The following MACROD2 variants were observed in gnomAD, a reference collection of about 807,000 sequenced individuals.
The protein encoded by MACROD2 is mono-ADP ribosylhydrolase 2.
MACROD2 carries 36 observed loss-of-function variants against 70.4 expected under a neutral mutation model. That is an observed-to-expected ratio of 0.51 (90% CI 0.39 to 0.68). MACROD2 has a LOEUF of 0.68. MACROD2 is among the 30% of genes least tolerant of loss of function. The pLI is 0.00. For synonymous variants in MACROD2, 172 were observed against 178.8 expected (o/e 0.96, Z 0.30); for missense variants, 496 against 538.4 (o/e 0.92, Z 0.78).
chr20:14,757,096 T>C (rs981962085), intron 5 of MACROD2, among the ~76,000 whole-genome samples: 2 of 152,186 alleles, frequency 1.3e-5, no homozygotes, highest in African/African-American at 2.4e-5. Context: ...TGGACTAATA[T>C]AATGTTTATT....
At chr20:14,230,541 A>C in intron 3 of MACROD2, among the ~76,000 whole-genome samples, 1 of 149,464 alleles carries the variant, frequency 6.7e-6, no homozygotes, top group African/African-American at 2.5e-5. Flanking sequence ...TTTTTACCAC[A>C]TCTGCAGTGA....
chr20:14,310,324 C>T (rs1463295886), intron 3 of MACROD2, among the ~76,000 whole-genome samples: 1 of 152,082 alleles, frequency 6.6e-6, no homozygotes, highest in Non-Finnish European at 1.5e-5. Flanking sequence ...ATGAACTCCT[C>T]AGGATAAAAG....
chr20:15,050,107 A>G (rs2075427384), intron 5 of MACROD2, among the ~76,000 whole-genome samples: 1 of 152,184 alleles, frequency 6.6e-6, no homozygotes, highest in South Asian at 2.1e-4. Context: ...ACAATATTTT[A>G]GTGTAATTTT....
In MACROD2 at chr20:15,949,252, A is replaced by G. The variant is rs116462318; in HGVS notation, c.907+11708A>G. On this transcript the variant is annotated intron_variant, in intron 12 of 17. Transcript: ENST00000684519. ...TTAAAGTGCTTACAGCAGCTTCTCA[A>G]ACATAGTAAACTTTGAGTTGGCAGC... Among the ~76,000 whole-genome samples, 1,493 of 152,294 alleles carry G rather than the reference A, an allele frequency of 9.8e-3. 22 individuals are homozygous for G. Among genetic ancestry groups the G allele is most frequent in the African/African-American group, 0.034 (1,419 of 41,560 alleles).
chr20:14,037,780 A>G (rs1167588211), intron 2 of MACROD2, among the ~76,000 whole-genome samples: 1 of 150,630 alleles, frequency 6.6e-6, no homozygotes, highest in Non-Finnish European at 1.5e-5. Flanking sequence ...CCTTGGGAGG[A>G]GGCTGAGGCG....
intron 3 of MACROD2, among the ~76,000 whole-genome samples, chr20:14,472,448 A>G (rs2084541339): frequency 1.3e-5 from 2 of 152,220 alleles, no homozygotes; most frequent in Admixed American, 1.3e-4. Flanking sequence ...TAAGTGCATT[A>G]GTTAATTATC....
At chr20:14,738,703 A>ACATATTATGTATATGTATGT (rs1600608222) in intron 5 of MACROD2, among the ~76,000 whole-genome samples, 2 of 151,800 alleles carry the variant, frequency 1.3e-5, no homozygotes, top group East Asian at 3.8e-4. Flanking sequence ...ATTAACATAT[A>ACATATTATGTATATGTATGT]ATCTATAGAT....
chr20:15,998,715 C>T (rs1213455311), intron 15 of MACROD2, among the ~76,000 whole-genome samples: 1 of 151,824 alleles, frequency 6.6e-6, no homozygotes, highest in Non-Finnish European at 1.5e-5. Context: ...CAGGCACCCG[C>T]CACCAAGCCT....
At chr20:14,947,160 A>T (rs1214585717) in intron 5 of MACROD2, among the ~76,000 whole-genome samples, 3 of 152,214 alleles carry the variant, frequency 2.0e-5, no homozygotes, top group Non-Finnish European at 4.4e-5. Context: ...CAGCTCACAG[A>T]TTCGCCGAGC....
At chr20:15,084,027 C>T (rs998701743) in intron 5 of MACROD2, among the ~76,000 whole-genome samples, 2 of 150,002 alleles carry the variant, frequency 1.3e-5, no homozygotes, top group Non-Finnish European at 3.0e-5. Context: ...AGCACATTCT[C>T]CACAAGTAGA....
intron 3 of MACROD2, among the ~76,000 whole-genome samples, chr20:14,239,515 GACAC>G (rs1226142857): frequency 6.6e-6 from 1 of 152,150 alleles, no homozygotes; most frequent in Non-Finnish European, 1.5e-5. Context: ...TACTGTCACA[GACAC>G]ACAGACAAAT....
chr20:14,844,473 C>T (rs566491342), intron 5 of MACROD2, among the ~76,000 whole-genome samples: 11 of 151,828 alleles, frequency 7.2e-5, no homozygotes, highest in South Asian at 4.2e-4. Flanking sequence ...GCCAAGATGG[C>T]GCCACTGCAC....
chr20:14,851,733 A>G (rs894790300), intron 5 of MACROD2, among the ~76,000 whole-genome samples: 1 of 152,148 alleles, frequency 6.6e-6, no homozygotes, highest in Non-Finnish European at 1.5e-5. Context: ...TAAATAAAAA[A>G]TTGTACTCTT....
intron 4 of MACROD2, among the ~76,000 whole-genome samples, chr20:14,662,249 A>G (rs1986261503): frequency 6.6e-6 from 1 of 152,064 alleles, no homozygotes; most frequent in African/African-American, 2.4e-5. Context: ...GAAAGAATTT[A>G]TTTAATAAAT....
At chr20:14,034,679 C>T (rs182787251) in intron 2 of MACROD2, among the ~76,000 whole-genome samples, 149 of 152,278 alleles carry the variant, frequency 9.8e-4, no homozygotes, top group African/African-American at 3.3e-3. Context: ...TTTTAACATT[C>T]GTCAGCCGTT....
chr20:14,221,105 A>G (rs2081669772), intron 3 of MACROD2, among the ~76,000 whole-genome samples: 1 of 152,232 alleles, frequency 6.6e-6, no homozygotes, highest in Non-Finnish European at 1.5e-5. Context: ...CATGCTGTCA[A>G]CATTATTGCT....
intron 5 of MACROD2, among the ~76,000 whole-genome samples, chr20:14,874,979 G>A (rs900091326): frequency 5.3e-5 from 8 of 151,790 alleles, no homozygotes; most frequent in African/African-American, 1.9e-4. Flanking sequence ...TGCTGGGATT[G>A]CAGGCATGAG....
rs534272127 is a variant in MACROD2 at position 14,689,296 on chromosome 20, A to G, written c.418+4337A>G. ...GTAAAGTTAATCTTCAAATAGCATT[A>G]TATCATTTACTTATTTCTTTTGTTT... is the stretch of plus-strand genomic sequence containing the variant. On this transcript the variant is annotated intron_variant, in intron 5 of 17. Transcript: ENST00000684519. Among the ~76,000 whole-genome samples the G allele has an allele frequency of 4.6e-5, 7 of 152,362 alleles. No individual in the cohort carries two copies. In the South Asian group the frequency reaches 8.3e-4, roughly 18 times the overall value.
chr20:14,399,776 C>T (rs1214387657), intron 3 of MACROD2, among the ~76,000 whole-genome samples: 1 of 152,100 alleles, frequency 6.6e-6, no homozygotes, highest in Non-Finnish European at 1.5e-5. Flanking sequence ...TTTCCATCCT[C>T]TTCTCTGTTT....
Sources: gnomAD v4.1 joint callset for allele counts (sites outside exome capture counted in the v4.1 genomes callset) on GRCh38, gnomAD v4.1.1 for gene constraint, MANE v1.5 for transcripts, NCBI Gene and HGNC (gene_info 2026-07-23, HGNC 2026-07-21) for gene names.